Variants in CHCHD6 observed in about 807,000 individuals in gnomAD.
CHCHD6 encodes coiled-coil-helix-coiled-coil-helix domain containing 6.
Under a neutral mutation model 32.3 loss-of-function variants are expected in CHCHD6, and 28 were observed. That is an observed-to-expected ratio of 0.87 (90% CI 0.64 to 1.19). CHCHD6 has a LOEUF of 1.19. Among genes scored for constraint, CHCHD6 ranks in the 50% most tolerant of loss-of-function variants. The pLI, the probability that CHCHD6 is intolerant of heterozygous loss-of-function variation, is 0.00. For missense variants in CHCHD6, 333 were observed against 307.0 expected (o/e 1.08, Z -0.63); for synonymous variants, 122 against 117.5 (o/e 1.04, Z -0.25).
intron 5 of CHCHD6, among the ~76,000 whole-genome samples, chr3:126,884,765 C>A (rs1484285748): frequency 6.6e-6 from 1 of 152,206 alleles, no homozygotes; most frequent in Admixed American, 6.5e-5. Flanking sequence ...TCCAAAACAT[C>A]AGACAGGTGG....
At chr3:126,708,871 A>G (rs998071536) in intron 1 of CHCHD6, among the ~76,000 whole-genome samples, 5 of 152,080 alleles carry the variant, frequency 3.3e-5, no homozygotes, top group African/African-American at 1.2e-4. Flanking sequence ...CTGTTTCTCT[A>G]TAAATTTACC....
chr3:126,890,792 G>T (rs540953908), intron 5 of CHCHD6, among the ~76,000 whole-genome samples: 1 of 152,144 alleles, frequency 6.6e-6, no homozygotes, highest in Non-Finnish European at 1.5e-5. Flanking sequence ...TCTGAGCAGC[G>T]GTTCTCAGCC....
intron 4 of CHCHD6, among the ~76,000 whole-genome samples, chr3:126,761,962 T>A (rs1373347663): frequency 1.3e-5 from 2 of 152,230 alleles, no homozygotes; most frequent in East Asian, 3.8e-4. Context: ...GCTCCTTATG[T>A]CCTTTTTATT....
At chr3:126,900,819 G>T (rs572199623) in intron 5 of CHCHD6, among the ~76,000 whole-genome samples, 2 of 152,132 alleles carry the variant, frequency 1.3e-5, no homozygotes, top group South Asian at 2.1e-4. Context: ...GGTCAGGCTG[G>T]TCTTGAATAC....
chr3:126,895,504 A>G (rs1257011842), intron 5 of CHCHD6, among the ~76,000 whole-genome samples: 3 of 152,206 alleles, frequency 2.0e-5, no homozygotes, highest in South Asian at 2.1e-4. Context: ...AGTTCACAAG[A>G]TACTTGGGTG....
At chr3:126,750,179 G>A (rs574643827) in intron 4 of CHCHD6, among the ~76,000 whole-genome samples, 12 of 152,326 alleles carry the variant, frequency 7.9e-5, no homozygotes, top group African/African-American at 1.7e-4. Flanking sequence ...AGGGGTCCTC[G>A]AGAAGGCACA....
intron 6 of CHCHD6, among the ~76,000 whole-genome samples, chr3:126,921,700 C>T (rs906930435): frequency 2.0e-5 from 3 of 152,168 alleles, no homozygotes; most frequent in Non-Finnish European, 4.4e-5. Flanking sequence ...CCAGAGAGGC[C>T]TGATTAATGT....
At chr3:126,859,029 C>T (rs1216520183) in intron 5 of CHCHD6, among the ~76,000 whole-genome samples, 1 of 152,248 alleles carries the variant, frequency 6.6e-6, no homozygotes, top group Non-Finnish European at 1.5e-5. Context: ...GTCTGCTCTG[C>T]ATCTGTGAGC....
intron 4 of CHCHD6, among the ~76,000 whole-genome samples, chr3:126,771,612 G>A (rs1204598109): frequency 2.6e-5 from 4 of 152,028 alleles, no homozygotes; most frequent in South Asian, 2.1e-4. Context: ...TTGATATTTC[G>A]TATGGTTTTT....
intron 1 of CHCHD6, among the ~76,000 whole-genome samples, chr3:126,720,710 C>T (rs1244165954): frequency 6.6e-6 from 1 of 152,178 alleles, no homozygotes; most frequent in African/African-American, 2.4e-5. Context: ...GAAGTGTTCC[C>T]TCTTGAGTGC....
At chr3:126,945,311 C>T (rs575520411) in intron 6 of CHCHD6, among the ~76,000 whole-genome samples, 15 of 152,042 alleles carry the variant, frequency 9.9e-5, no homozygotes, top group South Asian at 8.3e-4. Context: ...CTGTGGGGGG[C>T]GCCATCCTCT....
intron 4 of CHCHD6, among the ~76,000 whole-genome samples, chr3:126,841,851 C>T (rs1941097598): frequency 6.6e-6 from 1 of 151,972 alleles, no homozygotes; most frequent in Non-Finnish European, 1.5e-5. Context: ...GAAGTTGAGG[C>T]TGCAGTGAGC....
At chr3:126,808,411 C>T (rs1236742889) in intron 4 of CHCHD6, among the ~76,000 whole-genome samples, 4 of 152,030 alleles carry the variant, frequency 2.6e-5, no homozygotes, top group South Asian at 2.1e-4. Context: ...TGGGGATCAT[C>T]GGGGCTGTCT....
intron 4 of CHCHD6, 121 bp downstream of exon 4, chr3:126,733,343 G>A (rs1184517150): frequency 1.1e-6 from 1 of 928,768 alleles, no homozygotes; most frequent in Non-Finnish European, 1.6e-6. Flanking sequence ...CCTGGGATGT[G>A]CTCGGCTTCA....
At chr3:126,724,466 A>T (rs915330375) in intron 1 of CHCHD6, among the ~76,000 whole-genome samples, 1 of 152,254 alleles carries the variant, frequency 6.6e-6, no homozygotes, top group African/African-American at 2.4e-5. Flanking sequence ...TTGGCAAAAT[A>T]TGCTAATGAT....
intron 5 of CHCHD6, among the ~76,000 whole-genome samples, chr3:126,860,318 C>T (rs1303930701): frequency 6.6e-6 from 1 of 152,058 alleles, no homozygotes; most frequent in Admixed American, 6.6e-5. Context: ...GATCTGAGCC[C>T]AAGGGACTTT....
At chr3:126,816,715 T>C (rs1939922559) in intron 4 of CHCHD6, among the ~76,000 whole-genome samples, 1 of 152,178 alleles carries the variant, frequency 6.6e-6, no homozygotes, top group African/African-American at 2.4e-5. Flanking sequence ...TTTTTTTATA[T>C]ATTTTTTATT....
intron 4 of CHCHD6, among the ~76,000 whole-genome samples, chr3:126,838,257 C>T (rs887241783): frequency 3.9e-5 from 6 of 152,158 alleles, no homozygotes; most frequent in Non-Finnish European, 5.9e-5. Flanking sequence ...AAATTTGTAT[C>T]GTGTAATGAG....
chr3:126,952,988 T>C, intron 6 of CHCHD6: 1 of 985,464 alleles, frequency 1.0e-6, no homozygotes, highest in Non-Finnish European at 1.2e-6. Flanking sequence ...TGGGGTCTTC[T>C]GTGGTCCTAT....
Sources: gnomAD v4.1 joint callset for allele counts (sites outside exome capture counted in the v4.1 genomes callset) on GRCh38, gnomAD v4.1.1 for gene constraint, MANE v1.5 for transcripts, NCBI Gene and HGNC (gene_info 2026-07-23, HGNC 2026-07-21) for gene names.